Variants in LAMA5 observed in about 807,000 individuals in gnomAD.
LAMA5 encodes laminin subunit alpha-5.
LAMA5 carries 260 observed loss-of-function variants against 433.4 expected under a neutral mutation model. The ratio of observed to expected loss-of-function variants is 0.60; its 90% CI spans 0.54 to 0.66. The LOEUF (loss-of-function observed/expected upper bound fraction) is 0.66. Among genes scored for constraint, LAMA5 ranks in the 30% least tolerant of loss-of-function variants. LAMA5 has a pLI of 0.00. For missense variants in LAMA5, 5,378 were observed against 5,258.5 expected (o/e 1.02, Z -0.70); for synonymous variants, 2,620 against 2,226.6 (o/e 1.18, Z -4.97).
chr20:62,314,740 C>T lies in LAMA5; in HGVS notation c.8197-15G>A. ...GGCACCTTGACCTGCGGGGCACGGT[C>T]CATCAGCGTCCACCACCACCCTCCC... On this transcript the variant is annotated splice_polypyrimidine_tract_variant and intron_variant, in intron 60 of 79. Coordinates refer to ENST00000252999, the MANE Select transcript of LAMA5 (RefSeq NM_005560.6). 5.0e-6 allele frequency: 8 copies of T among 1,612,490 alleles called. No individual in the cohort carries two copies. Among genetic ancestry groups the T allele is most frequent in the Non-Finnish European group, 6.8e-6 (8 of 1,179,746 alleles).
Position 62,367,095 on chromosome 20 carries a change from T to A in LAMA5, c.151A>T (p.Asn51Tyr). Residue 51 changes from asparagine (N) to tyrosine (Y), a missense_variant, in exon 1 of 80, where the codon AAC becomes TAC. Transcript: ENST00000252999. ...GCGATGCGGGCGCCCTCGGCCAGGT[T>A]GAAGTAGGGCGGGTGCAGGCTGAAG... ...GGFSLHPPYF[N>Y]LAEGARIAAS... 7.8e-7 allele frequency: 1 copy of A among 1,277,902 alleles called. No homozygotes were observed. Among genetic ancestry groups the A allele is most frequent in the Non-Finnish European group, 9.8e-7 (1 of 1,015,634 alleles). 79.2% of individuals were successfully genotyped at this position (1,277,902 alleles called of 1,614,324 possible).
chr20:62,356,814 A>G (rs1480932271), intron 2 of LAMA5, among the ~76,000 whole-genome samples: 1 of 152,226 alleles, frequency 6.6e-6, no homozygotes, highest in Non-Finnish European at 1.5e-5. Flanking sequence ...GCCTTTCATG[A>G]GGGCATGAAG....
intron 45 of LAMA5, 101 bp from the exon 46 acceptor site, chr20:62,322,859 C>T: frequency 1.3e-6 from 1 of 752,142 alleles, no homozygotes; most frequent in Non-Finnish European, 2.0e-6. Context: ...CCTGCTGTGT[C>T]TCCTCCAGGC....
At chr20:62,329,977 G>A in intron 31 of LAMA5, 61 bp from the exon 32 acceptor site, 1 of 1,577,916 alleles carries the variant, frequency 6.3e-7, no homozygotes, top group East Asian at 2.3e-5. Flanking sequence ...GACACCCAGA[G>A]GGTTGAAGAT....
Position 62,359,329 on chromosome 20 carries a change from T to G in LAMA5, c.450+3071A>C, listed in dbSNP as rs1568986521. On this transcript the variant is annotated intron_variant, in intron 2 of 79. Transcript: ENST00000252999. The surrounding 1 kb of genome is among the most constrained non-coding windows in gnomAD (Gnocchi z 4.3). ...AGCCCCACTCACCCTGCCCAGCTCCTTACAACCTGGGCCCGCTGGGCTAGC... is the reference window on the plus strand; with the variant it reads ...AGCCCCACTCACCCTGCCCAGCTCCGTACAACCTGGGCCCGCTGGGCTAGC... 6.6e-6 allele frequency among the ~76,000 whole-genome samples: 1 copy of G among 152,112 alleles called. No homozygotes were observed. Among genetic ancestry groups the G allele is most frequent in the Non-Finnish European group, 1.5e-5 (1 of 67,994 alleles).
chr20:62,366,974 C>T lies in LAMA5; in HGVS notation c.272G>A (p.Gly91Asp). The T allele has an allele frequency of 7.8e-7, 1 of 1,277,682 alleles. No individual in the cohort carries two copies. The highest frequency in any genetic ancestry group is 9.9e-7 in the Non-Finnish European group (1 of 1,012,930). 79.1% of individuals were successfully genotyped at this position (1,277,682 alleles called of 1,614,324 possible). A position where few individuals can be genotyped will look rare whatever the true frequency, so the allele number is the denominator to read the frequency against. ...CCGGATGGTCTGGTTGGGGTCGCCG[C>T]CGGCCACGGGGCCCCCTACCAGCTT... ...YCKLVGGPVA[G>D]GDPNQTIRGQ... The change falls in exon 1 of 80, where the codon GGC becomes GAC. Residue 91 changes from glycine to aspartate, a missense_variant. By Grantham distance (94) the Gly-to-Asp change is moderately conservative. Transcript: ENST00000252999.
chr20:62,352,139 C>T, intron 4 of LAMA5, 60 bp from the exon 5 acceptor site: 1 of 1,587,776 alleles, frequency 6.3e-7, no homozygotes, highest in South Asian at 1.1e-5. Flanking sequence ...ACTGCCCCTC[C>T]CGGGCCCACC....
Position 62,344,144 on chromosome 20 carries a change from CAAAAAAA to C in LAMA5, c.1477+1667_1477+1673del, listed in dbSNP as rs34940052. Among the ~76,000 whole-genome samples, 3 of 82,640 alleles carry C rather than the reference CAAAAAAA, an allele frequency of 3.6e-5. No homozygotes were observed. The South Asian group carries it at 1.5e-3, about 40-fold the overall frequency. 54.2% of individuals were successfully genotyped at this position (82,640 alleles called of 152,430 possible). On this transcript the variant is annotated intron_variant, in intron 11 of 79. Transcript: ENST00000252999. ...GGGTAAAAAGAGCGAAACTCCATCT[CAAAAAAA>C]AAAAAAAAAAAAGACGTCATATCAA...
rs1169038164 is a variant in LAMA5 at position 62,310,871 on chromosome 20, G to A, written c.10281+31C>T. 4 of 1,605,330 alleles carry A rather than the reference G, an allele frequency of 2.5e-6. No individual in the cohort carries two copies. In the African/African-American group the frequency reaches 4.0e-5, roughly 16 times the overall value. ...GGTCAGGGTAGGGCTGCCAGGCCCT[G>A]CCCACCACCTTCCTTCTTCTCGGCC... is the stretch of plus-strand genomic sequence containing the variant. On this transcript the variant is annotated intron_variant, in intron 74 of 79. Transcript: ENST00000252999.
chr20:62,360,513 G>A (rs1415778864), intron 2 of LAMA5, among the ~76,000 whole-genome samples: 35 of 586 alleles, frequency 0.06, 17 homozygotes, highest in African/African-American at 0.12. Context: ...AGGGATAGAT[G>A]GGTGGGTGGG....
In LAMA5 at chr20:62,312,526, T is replaced by C. The variant is rs1255703247; in HGVS notation, c.9234A>G (p.Arg3078=). 23 of 1,599,018 alleles carry C rather than the reference T, an allele frequency of 1.4e-5. No individual in the cohort carries two copies. The highest frequency in any genetic ancestry group is 1.9e-5 in the Non-Finnish European group (22 of 1,179,564). ...CTGAGCCTCCGGTGGGGAAGAGCCGTCGCAGGCTGTGGGGAAGCGGGGATG... is the reference window on the plus strand; with the variant it reads ...CTGAGCCTCCGGTGGGGAAGAGCCGCCGCAGGCTGTGGGGAAGCGGGGATG... ...VPPDQLPPSL[R]RLFPTGGSVR... The change falls in exon 68 of 80, where the codon CGA becomes CGG. Residue 3078 remains arginine (R), a synonymous_variant. Coordinates refer to ENST00000252999, the MANE Select transcript of LAMA5 (RefSeq NM_005560.6).
Position 62,326,504 on chromosome 20 carries a change from A to G in LAMA5, c.5298+173T>C, listed in dbSNP as rs4925228. ...CATGACACCCCCCAGGGTGACCAGC[A>G]CAGAAGATATCTGACAATGGGTGTG... On this transcript the variant is annotated intron_variant, in intron 40 of 79. Coordinates refer to ENST00000252999, the MANE Select transcript of LAMA5 (RefSeq NM_005560.6). The G allele has an allele frequency of 0.9, 533,847 of 595,166 alleles. 240,285 individuals are homozygous for G. Among genetic ancestry groups the G allele is most frequent in the East Asian group, 0.98 (35,103 of 35,666 alleles). 36.9% of individuals were successfully genotyped at this position (595,166 alleles called of 1,614,324 possible). A position where few individuals can be genotyped will look rare whatever the true frequency, so the allele number is the denominator to read the frequency against.
chr20:62,351,686 A>C lies in LAMA5; in HGVS notation c.956+18T>G. On this transcript the variant is annotated intron_variant, in intron 6 of 79. Coordinates refer to ENST00000252999, the MANE Select transcript of LAMA5 (RefSeq NM_005560.6). ...GGGGGCCTCACCTGAACGGGGCCTCACCTGAATGGGGCCTCACCTGAACGG... is the reference window on the plus strand; with the variant it reads ...GGGGGCCTCACCTGAACGGGGCCTCCCCTGAATGGGGCCTCACCTGAACGG... 7 of 1,594,212 alleles carry C rather than the reference A, an allele frequency of 4.4e-6. No homozygotes were observed. Among genetic ancestry groups the C allele is most frequent in the Non-Finnish European group, 6.0e-6 (7 of 1,171,446 alleles).
intron 31 of LAMA5, 67 bp from the exon 32 acceptor site, chr20:62,329,983 A>C: frequency 6.4e-7 from 1 of 1,564,938 alleles, no homozygotes; most frequent in East Asian, 2.3e-5. Context: ...CAGAGGGTTG[A>C]AGATGGCAGC....
chr20:62,328,742 G>C (rs984228516), intron 34 of LAMA5, 102 bp downstream of exon 34: 24 of 1,192,420 alleles, frequency 2.0e-5, no homozygotes, highest in Non-Finnish European at 1.7e-5. Context: ...GCCCTGCCAG[G>C]CTCTAGAACA....
intron 1 of LAMA5, 32 bp downstream of exon 1, chr20:62,366,917 G>A: frequency 8.0e-7 from 1 of 1,246,526 alleles, no homozygotes; most frequent in Non-Finnish European, 1.0e-6. Flanking sequence ...AGTGCCCCGG[G>A]AGGAAGCCCC....
chr20:62,323,446 C>A lies in LAMA5; in HGVS notation c.6064+10G>T. ...TCCCCAGGGTGCATCCCTCCCAGCC[C>A]GACGCCTACGGGTGCAGTTGCCGGG... On this transcript the variant is annotated intron_variant, in intron 45 of 79. Coordinates refer to ENST00000252999, the MANE Select transcript of LAMA5 (RefSeq NM_005560.6). 5.2e-6 allele frequency: 8 copies of A among 1,531,568 alleles called. No individual in the cohort carries two copies. Among genetic ancestry groups the A allele is most frequent in the South Asian group, 1.2e-5 (1 of 82,868 alleles). 94.9% of individuals were successfully genotyped at this position (1,531,568 alleles called of 1,614,324 possible).
chr20:62,329,259 G>C lies in LAMA5; in HGVS notation c.4120-6C>G. The C allele has an allele frequency of 6.2e-7, 1 of 1,602,170 alleles. No individual in the cohort carries two copies. Among genetic ancestry groups the C allele is most frequent in the Non-Finnish European group, 8.5e-7 (1 of 1,170,944 alleles). On this transcript the variant is annotated splice_region_variant and splice_polypyrimidine_tract_variant and intron_variant, in intron 32 of 79. Transcript: ENST00000252999. ...GGGACCACGAGTACATAATCCTAGGGGGTGAGGCCTGGTCACTCTCCCGCG... is the reference window on the plus strand; with the variant it reads ...GGGACCACGAGTACATAATCCTAGGCGGTGAGGCCTGGTCACTCTCCCGCG...
In LAMA5 at chr20:62,320,899, G is replaced by A. The variant is rs755251879; in HGVS notation, c.6497-9C>T. The A allele has an allele frequency of 2.0e-5, 32 of 1,602,124 alleles. No individual in the cohort carries two copies. Among genetic ancestry groups the A allele is most frequent in the Middle Eastern group, 1.7e-4 (1 of 6,022 alleles). ...CACACAGTGGTCACACACTGCAGGC[G>A]ATGTGGGGTCACAGGTCAGTGTCAT... is the stretch of plus-strand genomic sequence containing the variant. On this transcript the variant is annotated splice_polypyrimidine_tract_variant and intron_variant, in intron 48 of 79. Transcript: ENST00000252999.
Sources: gnomAD v4.1 joint callset for allele counts (sites outside exome capture counted in the v4.1 genomes callset) on GRCh38, gnomAD v4.1.1 for gene constraint, Gnocchi (gnomAD v3.1) non-coding constraint, MANE v1.5 for transcripts, NCBI Gene and HGNC (gene_info 2026-07-23, HGNC 2026-07-21) for gene names.